Variants in CEP290 observed in about 807,000 individuals in gnomAD.
CEP290 encodes the protein centrosomal protein of 290 kDa.
Under a neutral mutation model 344.9 loss-of-function variants are expected in CEP290, and 317 were observed. That is an observed-to-expected ratio of 0.92 (90% CI 0.84 to 1.01). The LOEUF (loss-of-function observed/expected upper bound fraction) is 1.01, where lower values mean the gene tolerates loss of function less well. Among genes scored for constraint, CEP290 ranks in the 50% least tolerant of loss-of-function variants. CEP290 has a pLI of 0.00. For synonymous variants in CEP290, 932 were observed against 895.8 expected (o/e 1.04, Z -0.72); for missense variants, 2,754 against 2,761.4 (o/e 1.00, Z 0.06).
chr12:88,109,323 C>T (rs1412745009), intron 22 of CEP290, 142 bp from the exon 23 acceptor site: 1 of 467,674 alleles, frequency 2.1e-6, no homozygotes, highest in Non-Finnish European at 3.8e-6. Flanking sequence ...ATCATTTTTC[C>T]ATGATATTTT....
chr12:88,077,423 T>G, intron 40 of CEP290, 79 bp from the exon 41 acceptor site: 1 of 965,118 alleles, frequency 1.0e-6, no homozygotes, highest in Non-Finnish European at 1.5e-6. Context: ...AATTATATAA[T>G]AGCAACTTTC....
rs2137726582 is a variant in CEP290, at chr12:88,111,872, A to G, written c.2053-14T>C. On this transcript the variant is annotated splice_polypyrimidine_tract_variant and intron_variant, in intron 20 of 53. Transcript: ENST00000552810. The stretch of plus-strand genomic sequence containing the variant: ...TGATTCTATAGCCTAGCAAATTTAT[A>G]TTATATATTAGAAATGTGGAGAAAA... 1 of 1,491,742 alleles carries G rather than the reference A, an allele frequency of 6.7e-7. No homozygotes were observed. Among genetic ancestry groups the G allele is most frequent in the South Asian group, 1.4e-5 (1 of 72,216 alleles). 92.4% of individuals were successfully genotyped at this position (1,491,742 alleles called of 1,614,324 possible).
Position 88,139,200 on chromosome 12 carries a change from TTA to T in CEP290, c.251-11_251-10del. 1 of 1,112,414 alleles carries T rather than the reference TTA, an allele frequency of 9.0e-7. No homozygotes were observed. 68.9% of individuals were successfully genotyped at this position (1,112,414 alleles called of 1,614,324 possible). A position where few individuals can be genotyped will look rare whatever the true frequency, so the allele number is the denominator to read the frequency against. The stretch of plus-strand genomic sequence containing the variant: ...AGTTTTTAATTGATTTTCTATTTTT[TTA>T]AAAAAAAAGAAAAACGTTTTAATTG... On this transcript the variant is annotated splice_polypyrimidine_tract_variant and intron_variant, in intron 4 of 53. Coordinates refer to ENST00000552810, the MANE Select transcript of CEP290 (RefSeq NM_025114.4).
intron 51 of CEP290, 65 bp from the exon 52 acceptor site, chr12:88,053,811 T>A: frequency 2.5e-6 from 2 of 801,390 alleles, no homozygotes; most frequent in Non-Finnish European, 4.0e-6. Context: ...TATATGGGCA[T>A]TTCTTATGAA....
intron 26 of CEP290, among the ~76,000 whole-genome samples, chr12:88,098,799 G>C (rs1490237572): frequency 6.6e-6 from 1 of 152,118 alleles, no homozygotes; most frequent in East Asian, 1.9e-4. Context: ...GAAAGCATTT[G>C]GAATACTATA....
At position 88,106,749 on chromosome 12, in the gene CEP290, C is replaced by T; in HGVS notation, c.2743G>A (p.Glu915Lys). ...GACAACAATTCATTCTTTTGCTTCT[C>T]ATTTTCTTTTCTAAGTTGTCGCTCC... ...ELERQLRKENEKQKNELLSME... is the reference protein window; with the variant it reads ...ELERQLRKENKKQKNELLSME... The change falls in exon 25 of 54, where the codon GAG becomes AAG. Residue 915 changes from glutamate to lysine, a missense_variant. Glu to Lys is a moderately conservative substitution (Grantham distance 56, BLOSUM62 1). Coordinates refer to ENST00000552810, the MANE Select transcript of CEP290 (RefSeq NM_025114.4). 1.2e-6 allele frequency: 2 copies of T among 1,611,326 alleles called. No individual in the cohort carries two copies. Among genetic ancestry groups the T allele is most frequent in the Non-Finnish European group, 1.7e-6 (2 of 1,178,644 alleles).
intron 23 of CEP290, among the ~76,000 whole-genome samples, chr12:88,108,340 C>T (rs1206654566): frequency 6.6e-6 from 1 of 152,088 alleles, no homozygotes; most frequent in African/African-American, 2.4e-5. Context: ...AAAATAAAAG[C>T]TATGTAGAAA....
intron 22 of CEP290, 107 bp downstream of exon 22, chr12:88,111,095 A>T (rs2038655217): frequency 1.5e-6 from 1 of 649,674 alleles, no homozygotes; most frequent in Non-Finnish European, 2.3e-6. Context: ...GTGATGGAAA[A>T]ATTAAAATAA....
At position 88,120,414 on chromosome 12, in the gene CEP290, T is replaced by C. The variant is rs73412702; in HGVS notation, c.1360-138A>G. On this transcript the variant is annotated intron_variant, in intron 14 of 53. Coordinates refer to ENST00000552810, the MANE Select transcript of CEP290 (RefSeq NM_025114.4). ...TTTATATCATTACACTGGTTTTTTA[T>C]TGTGCTTTTATAAACCAAATCCAGT... The C allele has an allele frequency of 1.8e-4, 80 of 433,336 alleles. 1 individual carries two copies. Among genetic ancestry groups the C allele is most frequent in the African/African-American group, 1.6e-3 (78 of 48,718 alleles). 26.8% of individuals were successfully genotyped at this position (433,336 alleles called of 1,614,324 possible).
Position 88,106,661 on chromosome 12 carries a change from A to G in CEP290, c.2817+14T>C. 1 of 1,566,600 alleles carries G rather than the reference A, an allele frequency of 6.4e-7. No individual in the cohort carries two copies. The highest frequency in any genetic ancestry group is 1.4e-5 in the African/African-American group (1 of 73,300). On this transcript the variant is annotated intron_variant, in intron 25 of 53. Transcript: ENST00000552810. The stretch of plus-strand genomic sequence containing the variant: ...TTTCATAGTCAGAAAAAGCAAAATA[A>G]GAATCAGATGTACCTTAAATCTTTG...
At chr12:88,072,828 C>T (rs1201556190) in intron 41 of CEP290, among the ~76,000 whole-genome samples, 1 of 151,944 alleles carries the variant, frequency 6.6e-6, no homozygotes. Flanking sequence ...CTAGTTTATA[C>T]TAGTTGGTTA....
chr12:88,111,748 T>C lies in CEP290; in HGVS notation c.2163A>G (p.Glu721=), dbSNP rs2137722314. 1.2e-6 allele frequency: 2 copies of C among 1,603,886 alleles called. No homozygotes were observed. The highest frequency in any genetic ancestry group is 1.7e-6 in the Non-Finnish European group (2 of 1,176,288). ...AATAATTTATAGCCTCTTTCCGAGA[T>C]TCCCTGAGCTCCTGTCTTAATTCTT... The part of the protein sequence containing the change: ...RNEELRQELR[E]SRKEAINYSQ... The change falls in exon 21 of 54, where the codon GAA becomes GAG. Residue 721 remains glutamate (E), a synonymous_variant. Transcript: ENST00000552810.
chr12:88,067,457 G>A (rs1419386157), intron 44 of CEP290, among the ~76,000 whole-genome samples: 1 of 152,090 alleles, frequency 6.6e-6, no homozygotes, highest in African/African-American at 2.4e-5. Flanking sequence ...CTGGACTGAC[G>A]CATCAGTTAC....
intron 26 of CEP290, among the ~76,000 whole-genome samples, chr12:88,100,900 G>A (rs1434206085): frequency 6.6e-6 from 1 of 152,124 alleles, no homozygotes; most frequent in African/African-American, 2.4e-5. Flanking sequence ...ACATAAGAAA[G>A]AACACTGTGG....
At position 88,079,155 on chromosome 12, in the gene CEP290, A is replaced by G. The variant is rs891496300; in HGVS notation, c.5301T>C (p.Thr1767=). 1 of 1,605,548 alleles carries G rather than the reference A, an allele frequency of 6.2e-7. No homozygotes were observed. Among genetic ancestry groups the G allele is most frequent in the Non-Finnish European group, 8.5e-7 (1 of 1,176,708 alleles). The change falls in exon 39 of 54, where the codon ACT becomes ACC. Residue 1767 remains threonine, a synonymous_variant. Transcript: ENST00000552810. ...CATTGAGATGGGCCTCTTTTTGAGA[A>G]GTTGCAGAAATAATACGTTCTTCAG... ...AAAEERIISA[T]SQKEAHLNVQ... is the part of the protein sequence containing the mutation.
Position 88,111,333 on chromosome 12 carries a change from C to A in CEP290, c.2236G>T (p.Glu746Ter). The A allele has an allele frequency of 6.4e-7, 1 of 1,562,972 alleles. No homozygotes were observed. Among genetic ancestry groups the A allele is most frequent in the Non-Finnish European group, 8.7e-7 (1 of 1,155,576 alleles). ...TCTGATTGTCGTAAAAGACTAGTTT[C>A]TTTTTCAAGATGGTCTATCTGGAAA... ...ANLKIDHLEK[E>*]TSLLRQSEGS... Residue 746 changes from glutamate (E) to a stop codon, truncating the protein, a stop_gained, in exon 22 of 54, where the codon GAA (glutamate) becomes TAA (stop). Coordinates refer to ENST00000552810, the MANE Select transcript of CEP290 (RefSeq NM_025114.4). LOFTEE classifies it high-confidence loss of function.
chr12:88,126,656 T>A (rs879787767), intron 11 of CEP290, among the ~76,000 whole-genome samples: 3 of 152,076 alleles, frequency 2.0e-5, no homozygotes, highest in Non-Finnish European at 4.4e-5. Context: ...TATACCGAAT[T>A]TTCTTTTTTT....
chr12:88,058,892 A>C lies in CEP290; in HGVS notation c.6774T>G (p.Leu2258=), dbSNP rs2034234195. ...LQFAESRGPQ[L]EGADSKSWKS... Reference sequence around the variant, plus strand: ...TCCAGCTCTTACTGTCAGCACCTTCAAGCTGTGGACCTCTGCTTTCTGCAA... The same window carrying C: ...TCCAGCTCTTACTGTCAGCACCTTCCAGCTGTGGACCTCTGCTTTCTGCAA... The change falls in exon 49 of 54, where the codon CTT becomes CTG. Residue 2258 remains leucine, a synonymous_variant. Transcript: ENST00000552810. 1 of 1,613,916 alleles carries C rather than the reference A, an allele frequency of 6.2e-7. No homozygotes were observed. The highest frequency in any genetic ancestry group is 2.2e-5 in the East Asian group (1 of 44,864).
chr12:88,119,905 C>T (rs988129035), intron 15 of CEP290, among the ~76,000 whole-genome samples: 1 of 152,056 alleles, frequency 6.6e-6, no homozygotes, highest in Admixed American at 6.6e-5. Context: ...AAGCAATGTT[C>T]CAGCCCTGCC....
Sources: allele counts gnomAD v4.1 joint callset (sites outside exome capture counted in the v4.1 genomes callset), GRCh38; gene constraint gnomAD v4.1.1; transcripts MANE v1.5; gene names NCBI Gene and HGNC (gene_info 2026-07-23, HGNC 2026-07-21).